Variants in TBCD observed in about 807,000 individuals in gnomAD.
The protein encoded by TBCD is tubulin-specific chaperone D.
In TBCD, 105 loss-of-function variants were observed where a neutral mutation model predicts 169.3. That is an observed-to-expected ratio of 0.62 (90% CI 0.53 to 0.73). TBCD has a LOEUF of 0.73. Ranked by LOEUF, TBCD falls within the 30% of genes least tolerant of loss-of-function variation. The probability of loss-of-function intolerance (pLI) is 0.00; values close to 1 mark genes in which losing one functional copy is unlikely to be tolerated. For synonymous variants in TBCD, 700 were observed against 643.9 expected (o/e 1.09, Z -1.32); for missense variants, 1,444 against 1,600.1 (o/e 0.90, Z 1.66).
intron 4 of TBCD, among the ~76,000 whole-genome samples, chr17:82,767,664 C>T (rs2048081984): frequency 6.6e-6 from 1 of 152,072 alleles, no homozygotes; most frequent in East Asian, 1.9e-4. Context: ...TGGTTTAGGA[C>T]TCTTGACCTC....
At chr17:82,760,688 G>A (rs1184900635) in intron 2 of TBCD, among the ~76,000 whole-genome samples, 1 of 152,148 alleles carries the variant, frequency 6.6e-6, no homozygotes, top group African/African-American at 2.4e-5. Flanking sequence ...ATACATTTTA[G>A]TGTTAGTGTA....
intron 26 of TBCD, 100 bp from the exon 27 acceptor site, chr17:82,924,839 T>C (rs2061622956): frequency 3.2e-6 from 3 of 948,390 alleles, no homozygotes; most frequent in African/African-American, 1.7e-5. Flanking sequence ...GCTCCTCCTT[T>C]GTTCACTGTG....
At chr17:82,759,454 C>G (rs1236656429) in intron 2 of TBCD, among the ~76,000 whole-genome samples, 1 of 152,096 alleles carries the variant, frequency 6.6e-6, no homozygotes, top group Non-Finnish European at 1.5e-5. Context: ...CCACTGCACT[C>G]CAGCGTGGGC....
chr17:82,908,136 G>A (rs2060373075), intron 21 of TBCD: 1 of 407,624 alleles, frequency 2.5e-6, no homozygotes, highest in African/African-American at 2.1e-5. Context: ...TGCAGTCGGT[G>A]GAGGTTTCGG....
chr17:82,781,482 G>A, intron 6 of TBCD, 107 bp from the exon 7 acceptor site: 1 of 1,416,646 alleles, frequency 7.1e-7, no homozygotes, highest in Non-Finnish European at 9.6e-7. Context: ...GTGTAAGGGT[G>A]CGTGAGGTGG....
intron 6 of TBCD, among the ~76,000 whole-genome samples, chr17:82,775,287 C>G (rs1477811422): frequency 6.6e-6 from 1 of 152,228 alleles, no homozygotes; most frequent in African/African-American, 2.4e-5. Flanking sequence ...GTCTCGCACA[C>G]TCTCGCACAC....
chr17:82,759,813 C>G (rs962202036), intron 2 of TBCD, among the ~76,000 whole-genome samples: 2 of 151,590 alleles, frequency 1.3e-5, no homozygotes, highest in African/African-American at 2.4e-5. Context: ...ATATATTAGC[C>G]TTTGCTTTTA....
At chr17:82,829,972 T>G in intron 13 of TBCD, 1 of 1,132,736 alleles carries the variant, frequency 8.8e-7, no homozygotes, top group Non-Finnish European at 1.2e-6. Context: ...GCTTAATATT[T>G]ATAAAAACTG....
chr17:82,849,451 C>T (rs1211948623), intron 13 of TBCD, among the ~76,000 whole-genome samples: 1 of 152,240 alleles, frequency 6.6e-6, no homozygotes, highest in East Asian at 1.9e-4. Context: ...TTGGTTTTGG[C>T]CCCTTTTCAT....
intron 14 of TBCD, among the ~76,000 whole-genome samples, chr17:82,871,718 C>G (rs553984625): frequency 4.7e-4 from 72 of 152,336 alleles, no homozygotes; most frequent in African/African-American, 1.7e-3. Context: ...GTGCTGGGTC[C>G]CCTCTGCCCC....
intron 6 of TBCD, among the ~76,000 whole-genome samples, chr17:82,778,182 C>T (rs1466674004): frequency 1.3e-5 from 2 of 152,198 alleles, no homozygotes; most frequent in Non-Finnish European, 1.5e-5. Flanking sequence ...TATCTAAGAT[C>T]TGTATCTGGT....
At chr17:82,818,813 T>G (rs2052155090) in intron 13 of TBCD, among the ~76,000 whole-genome samples, 1 of 152,162 alleles carries the variant, frequency 6.6e-6, no homozygotes, top group South Asian at 2.1e-4. Flanking sequence ...ATGCCTATAA[T>G]CCCAGCACTT....
At chr17:82,805,508 C>T (rs1374856250) in intron 9 of TBCD, among the ~76,000 whole-genome samples, 1 of 152,162 alleles carries the variant, frequency 6.6e-6, no homozygotes, top group East Asian at 1.9e-4. Flanking sequence ...GCAGTGGTGG[C>T]CGTTCAGGAA....
intron 7 of TBCD, among the ~76,000 whole-genome samples, chr17:82,792,357 GCA>G (rs71168155): frequency 0.02 from 2,968 of 145,700 alleles, 76 homozygotes; most frequent in African/African-American, 0.065. Context: ...ATACATGTGT[GCA>G]CACACACACA....
chr17:82,815,422 C>G (rs997154104), intron 13 of TBCD, among the ~76,000 whole-genome samples: 1 of 152,192 alleles, frequency 6.6e-6, no homozygotes, highest in Non-Finnish European at 1.5e-5. Context: ...GTGGTGCTCC[C>G]TGGAGATGAG....
intron 23 of TBCD, among the ~76,000 whole-genome samples, chr17:82,919,437 G>A (rs1195734201): frequency 6.6e-6 from 1 of 152,162 alleles, no homozygotes; most frequent in African/African-American, 2.4e-5. Context: ...ATAAACGTCT[G>A]TTCTACAGTC....
intron 13 of TBCD, among the ~76,000 whole-genome samples, chr17:82,816,665 C>T (rs1052536297): frequency 1.3e-5 from 2 of 152,026 alleles, no homozygotes; most frequent in African/African-American, 4.8e-5. Flanking sequence ...TCCTGAGTAG[C>T]TGGGACCACC....
intron 13 of TBCD, chr17:82,858,677 C>T: frequency 1.0e-6 from 1 of 984,258 alleles, no homozygotes; most frequent in Non-Finnish European, 1.2e-6. Flanking sequence ...GGTGAGGTTC[C>T]TGTGTTTTCC....
At chr17:82,780,701 GTGGCACAATC>G (rs2048892377) in intron 6 of TBCD, among the ~76,000 whole-genome samples, 1 of 139,962 alleles carries the variant, frequency 7.1e-6, no homozygotes, top group African/African-American at 2.7e-5. Context: ...CTGGAGTGCA[GTGGCACAATC>G]TTGGCTCACT....
Sources: gnomAD v4.1 joint callset for allele counts (sites outside exome capture counted in the v4.1 genomes callset) on GRCh38, gnomAD v4.1.1 for gene constraint, MANE v1.5 for transcripts, NCBI Gene and HGNC (gene_info 2026-07-23, HGNC 2026-07-21) for gene names.